KLHL32: variants seen among roughly 807,000 people sequenced by gnomAD.
KLHL32 encodes kelch-like protein 32.
A neutral mutation model predicts 64.8 loss-of-function variants in KLHL32; 35 were observed. The ratio of observed to expected loss-of-function variants is 0.54; its 90% CI spans 0.41 to 0.72. The LOEUF (loss-of-function observed/expected upper bound fraction) is 0.72. Ranked by LOEUF, KLHL32 falls within the 30% of genes least tolerant of loss-of-function variation. The pLI is 0.00. For synonymous variants in KLHL32, 259 were observed against 281.0 expected, an observed-to-expected ratio of 0.92 and a Z score of 0.78; for missense variants, 589 against 768.5, an observed-to-expected ratio of 0.77 and a Z score of 2.76.
intron 4 of KLHL32, among the ~76,000 whole-genome samples, chr6:97,058,242 A>G (rs937785923): frequency 6.6e-6 from 1 of 152,108 alleles, no homozygotes. Flanking sequence ...GCTTCTTCAT[A>G]TAAGCTTTAG....
At chr6:96,945,291 A>G (rs918232167) in intron 1 of KLHL32, among the ~76,000 whole-genome samples, 2 of 152,260 alleles carry the variant, frequency 1.3e-5, no homozygotes, top group African/African-American at 4.8e-5. Context: ...ATGATGCCAC[A>G]TAACTCAAAA....
intron 5 of KLHL32, among the ~76,000 whole-genome samples, chr6:97,070,754 CT>C (rs760119658): frequency 1.3e-5 from 2 of 152,082 alleles, no homozygotes; most frequent in Non-Finnish European, 2.9e-5. Context: ...CATTTTTCTT[CT>C]TAAAAATGAA....
intron 1 of KLHL32, among the ~76,000 whole-genome samples, chr6:96,943,276 G>T (rs1282807707): frequency 6.6e-6 from 1 of 151,926 alleles, no homozygotes; most frequent in Non-Finnish European, 1.5e-5. Flanking sequence ...TATGGTAAAT[G>T]CAGAGTTCAT....
intron 3 of KLHL32, among the ~76,000 whole-genome samples, chr6:97,024,717 T>C (rs1205422355): frequency 6.6e-6 from 1 of 152,210 alleles, no homozygotes; most frequent in African/African-American, 2.4e-5. Context: ...TGAAGTCTGG[T>C]CTACATTTTA....
intron 3 of KLHL32, chr6:97,010,217 A>C (rs1377244030): frequency 8.3e-6 from 1 of 120,664 alleles, no homozygotes; most frequent in Non-Finnish European, 1.6e-5. Context: ...GCAGATTATC[A>C]ATCAGTGGAA....
intron 6 of KLHL32, chr6:97,105,344 C>G (rs911151768): frequency 2.3e-6 from 1 of 432,012 alleles, no homozygotes; most frequent in African/African-American, 2.0e-5. Flanking sequence ...TTCTTGTTGC[C>G]CAAGAGCTCA....
chr6:96,958,571 G>A (rs1773527674), intron 1 of KLHL32, among the ~76,000 whole-genome samples: 1 of 152,166 alleles, frequency 6.6e-6, no homozygotes, highest in South Asian at 2.1e-4. Flanking sequence ...GTTGGAAGGG[G>A]TACTAATTTA....
chr6:97,085,404 G>A (rs1793263101), intron 6 of KLHL32, 63 bp downstream of exon 6: 2 of 1,408,924 alleles, frequency 1.4e-6, no homozygotes, highest in Non-Finnish European at 1.0e-6. Flanking sequence ...GGAAGTTAAA[G>A]GACTGAGGAA....
chr6:97,024,401 C>CTTT (rs11314105), intron 3 of KLHL32, among the ~76,000 whole-genome samples: 1 of 131,816 alleles, frequency 7.6e-6, no homozygotes, highest in African/African-American at 2.7e-5. Context: ...TTTGTTGTTG[C>CTTT]TTTTTTTTTT....
chr6:97,001,371 A>T (rs1779012789), intron 3 of KLHL32, among the ~76,000 whole-genome samples: 1 of 152,208 alleles, frequency 6.6e-6, no homozygotes, highest in South Asian at 2.1e-4. Context: ...TAAATTAAAA[A>T]AATTTTGTAG....
chr6:97,098,148 G>A (rs933089935), intron 6 of KLHL32, among the ~76,000 whole-genome samples: 1 of 152,102 alleles, frequency 6.6e-6, no homozygotes, highest in Non-Finnish European at 1.5e-5. Context: ...AAACGATACA[G>A]ACATCTAATA....
intron 3 of KLHL32, among the ~76,000 whole-genome samples, chr6:96,989,425 C>T (rs1329098926): frequency 6.6e-6 from 1 of 152,062 alleles, no homozygotes; most frequent in Admixed American, 6.6e-5. Flanking sequence ...AATATAGGCC[C>T]CAATCTCTTC....
At chr6:97,100,151 A>C (rs569657452) in intron 6 of KLHL32, among the ~76,000 whole-genome samples, 1 of 152,182 alleles carries the variant, frequency 6.6e-6, no homozygotes, top group African/African-American at 2.4e-5. Context: ...CAAAAAATAC[A>C]TATATAAATA....
rs1194958215 is a variant in KLHL32 at position 97,064,659 on chromosome 6, T to C, written c.344T>C (p.Val115Ala). 1 of 1,614,064 alleles carries C rather than the reference T, an allele frequency of 6.2e-7. No individual in the cohort carries two copies. Among genetic ancestry groups the C allele is most frequent in the Non-Finnish European group, 8.5e-7 (1 of 1,180,010 alleles). The change falls in exon 5 of 11, where the codon GTG (valine) becomes GCG (alanine). Residue 115 changes from valine to alanine, a missense_variant. Around this residue, in one of 3 missense-constraint regions of KLHL32, gnomAD observed 191 missense variants for 223.3 expected, o/e 0.86. Transcript: ENST00000369261. ...ILLEPGVIQD[V>A]LAAGSHLQLL... ...CTGGAGCCAGGTGTGATCCAGGATG[T>C]GCTAGCAGCGGGCAGTCACCTACAG... is the stretch of plus-strand genomic sequence containing the variant.
intron 3 of KLHL32, among the ~76,000 whole-genome samples, chr6:96,993,225 T>A (rs993495749): frequency 6.6e-6 from 1 of 152,238 alleles, no homozygotes; most frequent in African/African-American, 2.4e-5. Flanking sequence ...GGCTGAATTG[T>A]TCTGGTCTGT....
intron 5 of KLHL32, among the ~76,000 whole-genome samples, chr6:97,065,700 T>C (rs1789636469): frequency 6.6e-6 from 1 of 152,266 alleles, no homozygotes; most frequent in Admixed American, 6.5e-5. Context: ...AGAAAAGTTT[T>C]GTTTTCCTGC....
intron 6 of KLHL32, among the ~76,000 whole-genome samples, chr6:97,102,362 C>T (rs1263212579): frequency 6.6e-6 from 1 of 152,088 alleles, no homozygotes; most frequent in Non-Finnish European, 1.5e-5. Context: ...CACTCTAGTC[C>T]CTATTGCCAA....
At chr6:96,911,250 C>A in the KLHL32 span, among the ~76,000 whole-genome samples, 1 of 152,116 alleles carries the variant, frequency 6.6e-6, no homozygotes, top group African/African-American at 2.4e-5. Flanking sequence ...CTTCCACTTT[C>A]CTGATAGAAA....
Position 96,978,572 on chromosome 6 carries a change from C to A in KLHL32, c.204+2395C>A, listed in dbSNP as rs139758262. ...ATGGTCATTTAAGTTGATTCCATGT[C>A]TTTGCTATTGTGAATAGCGCTACAG... is the stretch of plus-strand genomic sequence containing the variant. On this transcript the variant is annotated intron_variant, in intron 3 of 10. Coordinates refer to ENST00000369261, the MANE Select transcript of KLHL32 (RefSeq NM_052904.4). 9.6e-3 allele frequency among the ~76,000 whole-genome samples: 1,467 copies of A among 152,276 alleles called. 12 individuals are homozygous for A. The highest frequency in any genetic ancestry group is 0.015 in the Non-Finnish European group (1,030 of 68,014).
Sources: gnomAD v4.1 joint callset for allele counts (sites outside exome capture counted in the v4.1 genomes callset) on GRCh38, gnomAD v4.1.1 for gene constraint, gnomAD v4.1.1 regional missense constraint, MANE v1.5 for transcripts, NCBI Gene and HGNC (gene_info 2026-07-23, HGNC 2026-07-21) for gene names.